Variants in FXN observed in about 807,000 individuals in gnomAD.
FXN encodes the protein frataxin, mitochondrial.
FXN carries 14 observed loss-of-function variants against 22.4 expected under a neutral mutation model. The observed-to-expected ratio is 0.62, with a 90% CI of 0.41 to 0.98. The LOEUF (loss-of-function observed/expected upper bound fraction) is 0.98, where lower values mean the gene tolerates loss of function less well. Among genes scored for constraint, FXN ranks in the 50% least tolerant of loss-of-function variants. The probability of loss-of-function intolerance (pLI) is 0.00; values close to 1 mark genes in which losing one functional copy is unlikely to be tolerated. For synonymous variants in FXN, 120 were observed against 114.1 expected, an observed-to-expected ratio of 1.05 and a Z score of -0.33; for missense variants, 267 against 268.4, an observed-to-expected ratio of 0.99 and a Z score of 0.04.
intron 2 of FXN, among the ~76,000 whole-genome samples, chr9:69,052,335 G>A (rs1315555795): frequency 6.6e-6 from 1 of 151,666 alleles, no homozygotes; most frequent in Non-Finnish European, 1.5e-5. Flanking sequence ...TGTATTTTTA[G>A]TAGAGACAGG....
chr9:69,041,924 A>G (rs1181843905), intron 1 of FXN, among the ~76,000 whole-genome samples: 2 of 152,192 alleles, frequency 1.3e-5, no homozygotes, highest in African/African-American at 2.4e-5. Flanking sequence ...AGAGGGAGAC[A>G]TGGCTGCCAG....
chr9:69,060,352 C>CA (rs1476209418), intron 3 of FXN, among the ~76,000 whole-genome samples: 2 of 149,498 alleles, frequency 1.3e-5, no homozygotes, highest in Non-Finnish European at 3.0e-5. Context: ...GCCTGGGTGA[C>CA]AGAGCGAGAC....
chr9:69,075,739 T>C lies in FXN; in HGVS notation c.*2977T>C. 4 of 979,616 alleles carry C rather than the reference T, an allele frequency of 4.1e-6. No individual in the cohort carries two copies. Among genetic ancestry groups the C allele is most frequent in the Non-Finnish European group, 4.9e-6 (4 of 824,722 alleles). The allele number at this position is 979,616 out of a possible 1,614,324, so 60.7% of individuals were successfully genotyped here. ...TCTTAGAAAACTTTTTTTTCCCCTT[T>C]CTATTTTTTGAGACAGGATCTCACT... On this transcript the variant is annotated 3_prime_UTR_variant, in exon 5 of 5. Coordinates refer to ENST00000484259, the MANE Select transcript of FXN (RefSeq NM_000144.5).
intron 4 of FXN, chr9:69,071,197 G>T (rs767821167): frequency 3.9e-6 from 2 of 518,960 alleles, no homozygotes; most frequent in East Asian, 1.1e-4. Flanking sequence ...CAGAGTATAG[G>T]GCCAAGGGGA....
At chr9:69,072,098 G>T (rs990281622) in intron 4 of FXN, among the ~76,000 whole-genome samples, 1 of 152,122 alleles carries the variant, frequency 6.6e-6, no homozygotes, top group African/African-American at 2.4e-5. Context: ...AACAGCACTG[G>T]GTCTCCTTTT....
intron 3 of FXN, among the ~76,000 whole-genome samples, chr9:69,056,740 C>T (rs1587823665): frequency 2.1e-5 from 3 of 142,880 alleles, no homozygotes; most frequent in East Asian, 4.1e-4. Context: ...TGAAGTGAGT[C>T]TTTTTTTTTT....
intron 4 of FXN, among the ~76,000 whole-genome samples, chr9:69,067,432 GAC>G (rs1212918337): frequency 4.6e-5 from 7 of 152,258 alleles, no homozygotes; most frequent in African/African-American, 1.7e-4. Context: ...GGCATGACCA[GAC>G]ACACGGTTAT....
intron 2 of FXN, among the ~76,000 whole-genome samples, chr9:69,048,784 A>G (rs145220117): frequency 9.4e-4 from 143 of 152,292 alleles, no homozygotes; most frequent in African/African-American, 3.3e-3. Flanking sequence ...CCAGAGCTAT[A>G]TGCTCAGTAG....
chr9:69,069,139 G>A (rs1462128739), intron 4 of FXN, among the ~76,000 whole-genome samples: 3 of 152,276 alleles, frequency 2.0e-5, no homozygotes, highest in Admixed American at 6.5e-5. Flanking sequence ...CAAGGCAGGC[G>A]GATCACTTGA....
intron 2 of FXN, among the ~76,000 whole-genome samples, chr9:69,049,687 A>G (rs1211208675): frequency 1.3e-5 from 2 of 152,226 alleles, no homozygotes; most frequent in Non-Finnish European, 2.9e-5. Context: ...TTTAAAATGT[A>G]TAATGCAAGG....
At chr9:69,056,402 G>A (rs1301879867) in intron 3 of FXN, among the ~76,000 whole-genome samples, 1 of 152,242 alleles carries the variant, frequency 6.6e-6, no homozygotes, top group Non-Finnish European at 1.5e-5. Context: ...ATGCACACAT[G>A]TGGAGTAAGC....
At chr9:69,048,978 A>C (rs1307850090) in intron 2 of FXN, among the ~76,000 whole-genome samples, 1 of 152,130 alleles carries the variant, frequency 6.6e-6, no homozygotes, top group Non-Finnish European at 1.5e-5. Flanking sequence ...ATCCATTTCC[A>C]GCCTCGGCTT....
At chr9:69,067,084 T>C (rs1832180438) in intron 4 of FXN, among the ~76,000 whole-genome samples, 1 of 152,186 alleles carries the variant, frequency 6.6e-6, no homozygotes, top group African/African-American at 2.4e-5. Flanking sequence ...GGACAAGCTC[T>C]CAGTGCTTCT....
intron 4 of FXN, among the ~76,000 whole-genome samples, chr9:69,070,959 C>T (rs971188920): frequency 8.5e-5 from 13 of 152,118 alleles, no homozygotes; most frequent in Non-Finnish European, 2.9e-5. Context: ...GTGTGAGCCA[C>T]TGCAGCAGCC....
chr9:69,055,496 CTTTTT>C (rs780057588), intron 3 of FXN, among the ~76,000 whole-genome samples: 1 of 140,562 alleles, frequency 7.1e-6, no homozygotes, highest in Non-Finnish European at 1.6e-5. Flanking sequence ...TCTTCTTCTT[CTTTTT>C]TTTTTTTTTT....
At position 69,072,862 on chromosome 9, in the gene FXN, T is replaced by A; in HGVS notation, c.*100T>A. 1 of 1,597,364 alleles carries A rather than the reference T, an allele frequency of 6.3e-7. No individual in the cohort carries two copies. Among genetic ancestry groups the A allele is most frequent in the Non-Finnish European group, 8.5e-7 (1 of 1,175,526 alleles). On this transcript the variant is annotated 3_prime_UTR_variant, in exon 5 of 5. Coordinates refer to ENST00000484259, the MANE Select transcript of FXN (RefSeq NM_000144.5). ...TTTTTGTTGTTGTTGTTGTTTATTTTTTTTATTCCTGCTTTTGAGGACAGT... is the reference window on the plus strand; with the variant it reads ...TTTTTGTTGTTGTTGTTGTTTATTTATTTTATTCCTGCTTTTGAGGACAGT...
rs770717563 is a variant in FXN at position 69,035,773 on chromosome 9, C to A, written c.-10C>A. On this transcript the variant is annotated 5_prime_UTR_variant, in exon 1 of 5. Transcript: ENST00000484259. ...CTGGAGGGCGGAGCGGGCGGCAGACCCGGAGCAGCATGTGGACTCTCGGGC... is the reference window on the plus strand; with the variant it reads ...CTGGAGGGCGGAGCGGGCGGCAGACACGGAGCAGCATGTGGACTCTCGGGC... 6.7e-7 allele frequency: 1 copy of A among 1,501,702 alleles called. No individual in the cohort carries two copies. Among genetic ancestry groups the A allele is most frequent in the South Asian group, 1.2e-5 (1 of 80,336 alleles). 93.0% of individuals were successfully genotyped at this position (1,501,702 alleles called of 1,614,324 possible). A position where few individuals can be genotyped will look rare whatever the true frequency, so the allele number is the denominator to read the frequency against.
rs1232411273 is a variant in FXN at position 69,077,715 on chromosome 9, A to G, written c.*4953A>G. On this transcript the variant is annotated 3_prime_UTR_variant, in exon 5 of 5. Transcript: ENST00000484259. ...GAGGCTGAGGCAGGTGGATCACCTG[A>G]GGTTAGGAGTTCGAGGCCAGCCTGG... 3.3e-6 allele frequency: 3 copies of G among 899,408 alleles called. No homozygotes were observed. Among genetic ancestry groups the G allele is most frequent in the Non-Finnish European group, 4.0e-6 (3 of 751,786 alleles). The allele number at this position is 899,408 out of a possible 1,614,324, so 55.7% of individuals were successfully genotyped here. A position where few individuals can be genotyped will look rare whatever the true frequency, so the allele number is the denominator to read the frequency against.
intron 2 of FXN, among the ~76,000 whole-genome samples, chr9:69,047,664 A>C (rs1220552209): frequency 6.6e-6 from 1 of 152,166 alleles, no homozygotes; most frequent in Non-Finnish European, 1.5e-5. Context: ...GGGGTTCCAC[A>C]GGGTGTTTTA....
Sources: gnomAD v4.1 joint callset for allele counts (sites outside exome capture counted in the v4.1 genomes callset) on GRCh38, gnomAD v4.1.1 for gene constraint, MANE v1.5 for transcripts, NCBI Gene and HGNC (gene_info 2026-07-23, HGNC 2026-07-21) for gene names.